The following WDR93 variants were observed in gnomAD, a reference collection of about 807,000 sequenced individuals.
WDR93 encodes WD repeat-containing protein 93.
WDR93 carries 73 observed loss-of-function variants against 82.9 expected under a neutral mutation model. The observed-to-expected ratio is 0.88, with a 90% CI of 0.73 to 1.07. WDR93 has a LOEUF of 1.07. Ranked by LOEUF, WDR93 falls within the 50% of genes least tolerant of loss-of-function variation. The probability of loss-of-function intolerance (pLI) is 0.00; values close to 1 mark genes in which losing one functional copy is unlikely to be tolerated. For synonymous variants in WDR93, 283 were observed against 300.1 expected, an observed-to-expected ratio of 0.94 and a Z score of 0.59; for missense variants, 738 against 826.0, an observed-to-expected ratio of 0.89 and a Z score of 1.31.
rs1169415331 is a variant in WDR93 at position 89,705,560 on chromosome 15, T to A, written c.503T>A (p.Ile168Asn). 13 of 1,524,868 alleles carry A rather than the reference T, an allele frequency of 8.5e-6. No homozygotes were observed. The highest frequency in any genetic ancestry group is 1.0e-5 in the Non-Finnish European group (11 of 1,098,496). The allele number at this position is 1,524,868 out of a possible 1,614,324, so 94.5% of individuals were successfully genotyped here. ...ACTTATTTTTCTGTTTCAGGTATCA[T>A]TAGACTCTTTTATTTTTATAAGGAA... is the stretch of plus-strand genomic sequence containing the variant. ...LIAPVDEMGI[I>N]RLFYFYKEGL... The change falls in exon 4 of 17, where the codon ATT (isoleucine) becomes AAT (asparagine). Residue 168 changes from isoleucine (I) to asparagine (N), a missense_variant. Physicochemically the swap from Ile to Asn is moderately radical, Grantham distance 149 (BLOSUM62 -3). Transcript: ENST00000268130.
At chr15:89,736,025 G>C (rs527797108) in intron 14 of WDR93, among the ~76,000 whole-genome samples, 5 of 152,318 alleles carry the variant, frequency 3.3e-5, no homozygotes, top group Non-Finnish European at 7.4e-5. Context: ...GGAGGCTGGG[G>C]CGGGAAGACA....
intron 1 of WDR93, among the ~76,000 whole-genome samples, chr15:89,698,069 A>G (rs1965276824): frequency 6.6e-6 from 1 of 151,376 alleles, no homozygotes; most frequent in African/African-American, 2.4e-5. Flanking sequence ...TAATTTTAGT[A>G]GGGACAGGGT....
intron 8 of WDR93, 111 bp downstream of exon 8, chr15:89,722,250 A>G: frequency 1.0e-6 from 1 of 962,786 alleles, no homozygotes; most frequent in Non-Finnish European, 1.5e-6. Flanking sequence ...AATTACAAAC[A>G]TAGTTATGAA....
In WDR93 at chr15:89,743,553, G is replaced by C; in HGVS notation, c.*162G>C. ...GCCAGCAAGGGGAAAAGTATAATCT[G>C]GGGGACCTTCAACCACTAAGCCTCT... On this transcript the variant is annotated 3_prime_UTR_variant, in exon 17 of 17. Coordinates refer to ENST00000268130, the MANE Select transcript of WDR93 (RefSeq NM_020212.2). The C allele has an allele frequency of 1.6e-6, 1 of 643,526 alleles. No individual in the cohort carries two copies. The highest frequency in any genetic ancestry group is 1.9e-5 in the South Asian group (1 of 51,450). 39.9% of individuals were successfully genotyped at this position (643,526 alleles called of 1,614,324 possible).
chr15:89,703,172 C>T, intron 3 of WDR93, 30 bp downstream of exon 3: 2 of 1,611,980 alleles, frequency 1.2e-6, no homozygotes, highest in Non-Finnish European at 1.7e-6. Context: ...TTTTTAGCCT[C>T]ATTTACAGGT....
chr15:89,709,757 CTA>C (rs1965877529), intron 4 of WDR93, among the ~76,000 whole-genome samples: 1 of 151,924 alleles, frequency 6.6e-6, no homozygotes, highest in Non-Finnish European at 1.5e-5. Flanking sequence ...AAAGTTAAAC[CTA>C]TGATACATCA....
chr15:89,730,106 C>A (rs1839744010), intron 11 of WDR93, among the ~76,000 whole-genome samples: 1 of 152,160 alleles, frequency 6.6e-6, no homozygotes, highest in African/African-American at 2.4e-5. Context: ...GAGTGGATCA[C>A]CTGAGGTCAG....
In WDR93 at chr15:89,701,720, T is replaced by C. The variant is rs780423921; in HGVS notation, c.-27T>C. ...TTCTCTTATCAGCTTTTCAGTTTCATAGAGGTTCCCAGTGCCACCTTCTGT... is the reference window on the plus strand; with the variant it reads ...TTCTCTTATCAGCTTTTCAGTTTCACAGAGGTTCCCAGTGCCACCTTCTGT... On this transcript the variant is annotated 5_prime_UTR_variant, in exon 2 of 17. Coordinates refer to ENST00000268130, the MANE Select transcript of WDR93 (RefSeq NM_020212.2). 3.1e-6 allele frequency: 5 copies of C among 1,595,362 alleles called. No homozygotes were observed. The highest frequency in any genetic ancestry group is 4.3e-6 in the Non-Finnish European group (5 of 1,168,606).
intron 4 of WDR93, among the ~76,000 whole-genome samples, 158 bp from the exon 5 acceptor site, chr15:89,711,868 T>C (rs8036614): frequency 0.43 from 65,100 of 152,090 alleles, 14,437 homozygotes; most frequent in African/African-American, 0.48. Flanking sequence ...TGTCCAATTC[T>C]TGTACAAAAA....
chr15:89,714,085 T>C (rs1966131271), intron 5 of WDR93: 1 of 152,210 alleles, frequency 6.6e-6, no homozygotes, highest in Non-Finnish European at 1.5e-5. Context: ...TGGGTTGTTA[T>C]CTCCTCAAAT....
At chr15:89,695,428 G>A (rs370390102) in intron 1 of WDR93, among the ~76,000 whole-genome samples, 12 of 152,128 alleles carry the variant, frequency 7.9e-5, no homozygotes, top group Admixed American at 3.3e-4. Flanking sequence ...TGAACTCCTG[G>A]ACTCAAAGCA....
At chr15:89,728,388 G>T (rs760574410) in intron 9 of WDR93, among the ~76,000 whole-genome samples, 1 of 152,094 alleles carries the variant, frequency 6.6e-6, no homozygotes, top group Admixed American at 6.6e-5. Context: ...GAAATCTCTC[G>T]TGCTGTCAAG....
At position 89,733,083 on chromosome 15, in the gene WDR93, C is replaced by T; in HGVS notation, c.1408C>T (p.His470Tyr). Residue 470 changes from histidine to tyrosine, a missense_variant, in exon 13 of 17, where the codon CAC becomes TAC. Coordinates refer to ENST00000268130, the MANE Select transcript of WDR93 (RefSeq NM_020212.2). ...SIHFLKYFSV[H>Y]KGQNMYPEGQ... Reference sequence around the variant, plus strand: ...TCACTTCCTAAAATATTTCTCGGTCCACAAAGGACAGAATATGTATCCTGA... The same window carrying T: ...TCACTTCCTAAAATATTTCTCGGTCTACAAAGGACAGAATATGTATCCTGA... 1 of 1,614,188 alleles carries T rather than the reference C, an allele frequency of 6.2e-7. No individual in the cohort carries two copies. Among genetic ancestry groups the T allele is most frequent in the Non-Finnish European group, 8.5e-7 (1 of 1,180,040 alleles).
intron 9 of WDR93, 145 bp downstream of exon 9, chr15:89,727,473 C>A: frequency 1.1e-6 from 1 of 947,108 alleles, no homozygotes; most frequent in Non-Finnish European, 1.5e-6. Flanking sequence ...CATCTGTAAT[C>A]CCTACACTTT....
At chr15:89,734,132 C>T (rs1397686336) in intron 13 of WDR93, among the ~76,000 whole-genome samples, 1 of 152,202 alleles carries the variant, frequency 6.6e-6, no homozygotes, top group East Asian at 1.9e-4. Flanking sequence ...GGCTCTCCCT[C>T]ATCAATCCTT....
At chr15:89,715,773 A>T (rs1023783045) in intron 6 of WDR93, among the ~76,000 whole-genome samples, 3 of 151,930 alleles carry the variant, frequency 2.0e-5, no homozygotes, top group African/African-American at 7.3e-5. Flanking sequence ...TTTAGTAGAG[A>T]CGGGGTTTCA....
At chr15:89,721,779 T>G (rs1966539317) in intron 7 of WDR93, among the ~76,000 whole-genome samples, 1 of 151,864 alleles carries the variant, frequency 6.6e-6, no homozygotes, top group Non-Finnish European at 1.5e-5. Flanking sequence ...TGTGTCACCA[T>G]GCCCAGTAAG....
chr15:89,698,019 A>G (rs917543337), intron 1 of WDR93, among the ~76,000 whole-genome samples: 3 of 151,266 alleles, frequency 2.0e-5, no homozygotes, highest in African/African-American at 7.3e-5. Flanking sequence ...AGCTGGGACT[A>G]CAGGCGCCTA....
intron 8 of WDR93, among the ~76,000 whole-genome samples, chr15:89,726,017 G>A (rs1966723786): frequency 6.6e-6 from 1 of 152,182 alleles, no homozygotes; most frequent in African/African-American, 2.4e-5. Context: ...AAGCAACAAT[G>A]AAGAGGATCT....
Sources: gnomAD v4.1 joint callset for allele counts (sites outside exome capture counted in the v4.1 genomes callset) on GRCh38, gnomAD v4.1.1 for gene constraint, MANE v1.5 for transcripts, NCBI Gene and HGNC (gene_info 2026-07-23, HGNC 2026-07-21) for gene names.